The following SYTL2 variants were observed in gnomAD, a reference collection of about 807,000 sequenced individuals.
SYTL2 encodes the protein synaptotagmin like 2.
Under a neutral mutation model 198.7 loss-of-function variants are expected in SYTL2, and 165 were observed. The ratio of observed to expected loss-of-function variants is 0.83; its 90% CI spans 0.73 to 0.94. The LOEUF is 0.94. Ranked by LOEUF, SYTL2 falls within the 40% of genes least tolerant of loss-of-function variation. The pLI is 0.00. For missense variants in SYTL2, 2,835 were observed against 2,582.8 expected (o/e 1.10, Z -2.12); for synonymous variants, 966 against 917.7 (o/e 1.05, Z -0.95).
intron 7 of SYTL2, among the ~76,000 whole-genome samples, chr11:85,729,310 C>T (rs2153474881): frequency 6.6e-6 from 1 of 152,288 alleles, no homozygotes; most frequent in South Asian, 2.1e-4. Context: ...CCACATCGCA[C>T]TTATTCTAAA....
chr11:85,767,502 T>C (rs963617839), intron 1 of SYTL2, among the ~76,000 whole-genome samples: 11 of 152,140 alleles, frequency 7.2e-5, no homozygotes, highest in African/African-American at 2.7e-4. Flanking sequence ...GGAATTAAAC[T>C]CAGGATCATA....
chr11:85,756,520 G>C (rs1201072262), intron 2 of SYTL2, among the ~76,000 whole-genome samples: 1 of 152,114 alleles, frequency 6.6e-6, no homozygotes, highest in African/African-American at 2.4e-5. Context: ...CCTACCAGTT[G>C]TGTGATATTG....
chr11:85,786,459 T>C (rs1055038196), intron 1 of SYTL2, among the ~76,000 whole-genome samples: 5 of 152,202 alleles, frequency 3.3e-5, no homozygotes, highest in African/African-American at 4.8e-5. Context: ...TATACTATAG[T>C]TGTACAAAAT....
intron 1 of SYTL2, among the ~76,000 whole-genome samples, chr11:85,808,625 T>C (rs936974372): frequency 1.3e-5 from 2 of 152,132 alleles, no homozygotes; most frequent in African/African-American, 4.8e-5. Flanking sequence ...CCCCTAAGAA[T>C]ATATAACAAT....
At position 85,746,811 on chromosome 11, in the gene SYTL2, T is replaced by C. The variant is rs140368442; in HGVS notation, c.254-1039A>G. ...TGCACTGTACGTACTAAGCAGTCAG[T>C]CCTTTTCTGCAAGGAGTATGGCACT... On this transcript the variant is annotated intron_variant, in intron 3 of 19. Transcript: ENST00000359152. 1.5e-3 allele frequency among the ~76,000 whole-genome samples: 236 copies of C among 152,320 alleles called. 2 individuals are homozygous for C. The highest frequency in any genetic ancestry group is 5.5e-3 in the African/African-American group (228 of 41,572).
rs1280871061 is a variant in SYTL2 at position 85,725,004 on chromosome 11, C to T, written c.4354G>A (p.Ala1452Thr). ...GTCTGGTCTGATGGAGACATTTGGG[C>T]AGCTAAATAAGATCCAACTTCATGA... The part of the protein sequence containing the change: ...KTHEVGSYLA[A>T]QMSPSDQTLS... The change falls in exon 8 of 20, where the codon GCC becomes ACC. Residue 1452 changes from alanine (A) to threonine (T), a missense_variant. Physicochemically the swap from Ala to Thr is moderately conservative, Grantham distance 58. This residue lies in a region of SYTL2 where 2,645 missense variants were observed against 2,381.7 expected (regional missense o/e 1.11). Coordinates refer to ENST00000359152, the MANE Select transcript of SYTL2 (RefSeq NM_206927.4). The T allele has an allele frequency of 6.2e-7, 1 of 1,613,930 alleles. No individual in the cohort carries two copies. The highest frequency in any genetic ancestry group is 2.2e-5 in the East Asian group (1 of 44,888).
the SYTL2 span, among the ~76,000 whole-genome samples, chr11:85,832,828 C>CAA: frequency 3.5e-3 from 479 of 137,676 alleles, 4 homozygotes; most frequent in African/African-American, 0.012. Flanking sequence ...CTTGTATCTA[C>CAA]AAAAAAAAAA....
At chr11:85,788,016 T>C (rs1250013871) in intron 1 of SYTL2, among the ~76,000 whole-genome samples, 1 of 152,164 alleles carries the variant, frequency 6.6e-6, no homozygotes, top group Non-Finnish European at 1.5e-5. Flanking sequence ...GGGTCATGAG[T>C]AGTTATCTGA....
chr11:85,724,664 T>C lies in SYTL2; in HGVS notation c.4694A>G (p.Asp1565Gly). 1 of 1,613,912 alleles carries C rather than the reference T, an allele frequency of 6.2e-7. No individual in the cohort carries two copies. The highest frequency in any genetic ancestry group is 8.5e-7 in the Non-Finnish European group (1 of 1,179,948). The change falls in exon 8 of 20, where the codon GAT becomes GGT. Residue 1565 changes from aspartate (D) to glycine (G), a missense_variant. Transcript: ENST00000359152. The stretch of plus-strand genomic sequence containing the variant: ...TTTAAGAAGTTTCTCAAAACCAGCA[T>C]CAAAAGCACTCTCAGTTATTAACGG... ...EAPLITESAF[D>G]AGFEKLLKEI...
chr11:85,710,460 T>G (rs1244928882), intron 13 of SYTL2, among the ~76,000 whole-genome samples: 2 of 152,162 alleles, frequency 1.3e-5, no homozygotes, highest in African/African-American at 2.4e-5. Flanking sequence ...CATACTTGGG[T>G]GAATATATGT....
At chr11:85,706,634 T>C (rs1210928410) in intron 15 of SYTL2, among the ~76,000 whole-genome samples, 2 of 152,034 alleles carry the variant, frequency 1.3e-5, no homozygotes, top group East Asian at 3.9e-4. Context: ...GAATTCAGGG[T>C]GACTGGAACA....
chr11:85,712,695 T>TACACAC (rs200738930), intron 12 of SYTL2, among the ~76,000 whole-genome samples: 15 of 145,566 alleles, frequency 1.0e-4, no homozygotes, highest in Admixed American at 1.4e-4. Flanking sequence ...AAAATACATA[T>TACACAC]ACACACACAC....
chr11:85,806,366 C>T (rs916797570), intron 1 of SYTL2, among the ~76,000 whole-genome samples: 1 of 152,220 alleles, frequency 6.6e-6, no homozygotes, highest in Non-Finnish European at 1.5e-5. Context: ...CTGCAAAAGT[C>T]CTAGCACAGG....
chr11:85,823,509 T>C, the SYTL2 span, among the ~76,000 whole-genome samples: 1 of 152,262 alleles, frequency 6.6e-6, no homozygotes, highest in African/African-American at 2.4e-5. Context: ...TTACCCATTA[T>C]GCTTTATATT....
intron 1 of SYTL2, among the ~76,000 whole-genome samples, chr11:85,803,259 CTTT>C (rs1277035048): frequency 6.6e-6 from 1 of 152,192 alleles, no homozygotes; most frequent in Non-Finnish European, 1.5e-5. Context: ...TATAAAAATT[CTTT>C]ATCTTTATAA....
chr11:85,761,817 C>T (rs1565998750), intron 1 of SYTL2, among the ~76,000 whole-genome samples: 1 of 152,160 alleles, frequency 6.6e-6, no homozygotes, highest in Non-Finnish European at 1.5e-5. Context: ...CACGACCATG[C>T]CCAGCTAATT....
chr11:85,763,420 G>C (rs1438371757), intron 1 of SYTL2, among the ~76,000 whole-genome samples: 1 of 152,192 alleles, frequency 6.6e-6, no homozygotes, highest in East Asian at 1.9e-4. Context: ...GCTTGCCTTT[G>C]ATAGGCAGCA....
rs558558671 is a variant in SYTL2 at position 85,724,607 on chromosome 11, TG to T, written c.4750del (p.Gln1584ArgfsTer4). The T allele has an allele frequency of 7.9e-4, 1,273 of 1,613,408 alleles. 2 individuals carry two copies. Among genetic ancestry groups the T allele is most frequent in the Non-Finnish European group, 9.5e-4 (1,117 of 1,179,812 alleles). ...GTGAGTTTCTTCTCTCACTGACACC[TG>T]GGGCTGATAAGGAGGAGCTTCAGTT... Reference protein sequence around the residue: ...EITEAPPYQPQVSVREETHEK... With the variant: ...EITEAPPYQPXVSVREETHEK... On this transcript the variant is annotated frameshift_variant, in exon 8 of 20. Transcript: ENST00000359152. LOFTEE classifies it high-confidence loss of function.
rs1251496958 is a variant in SYTL2, at chr11:85,743,364, A to T, written c.389+2273T>A. Among the ~76,000 whole-genome samples, 3 of 152,210 alleles carry T rather than the reference A, an allele frequency of 2.0e-5. No homozygotes were observed. In the East Asian group the frequency reaches 5.8e-4, roughly 29 times the overall value. On this transcript the variant is annotated intron_variant, in intron 4 of 19. Transcript: ENST00000359152. ...TTTCTGGATAATTACCACCCATGGCATGTGTTATAGGACTGGCCTTTAATG... is the reference window on the plus strand; with the variant it reads ...TTTCTGGATAATTACCACCCATGGCTTGTGTTATAGGACTGGCCTTTAATG...
Sources: gnomAD v4.1 joint callset for allele counts (sites outside exome capture counted in the v4.1 genomes callset) on GRCh38, gnomAD v4.1.1 for gene constraint, gnomAD v4.1.1 regional missense constraint, MANE v1.5 for transcripts, NCBI Gene and HGNC (gene_info 2026-07-23, HGNC 2026-07-21) for gene names.